XIRP2: variants seen among roughly 807,000 people sequenced by gnomAD.
XIRP2 encodes the protein xin actin-binding repeat-containing protein 2.
A neutral mutation model predicts 277.0 loss-of-function variants in XIRP2; 236 were observed. The observed-to-expected ratio is 0.85, with a 90% CI of 0.77 to 0.95. XIRP2 has a LOEUF of 0.95. Ranked by LOEUF, XIRP2 falls within the 40% of genes least tolerant of loss-of-function variation. XIRP2 has a pLI of 0.00. For synonymous variants in XIRP2, 1,490 were observed against 1,416.5 expected (o/e 1.05, Z -1.17); for missense variants, 4,640 against 4,157.5 (o/e 1.12, Z -3.19).
chr2:166,929,632 A>G (rs541395152), intron 2 of XIRP2, among the ~76,000 whole-genome samples: 80 of 152,208 alleles, frequency 5.3e-4, no homozygotes, highest in African/African-American at 1.9e-3. Flanking sequence ...TTAAAGGGTC[A>G]GTACTTTTTT....
rs372749482 is a variant in XIRP2 at position 167,214,965 on chromosome 2, G to A, written c.724-3201G>A. Reference sequence around the variant, plus strand: ...AAATGCATTTACCAGGAGAGCATCCGGTCATAAGCATAATACTAAGGCTTG... The same window carrying A: ...AAATGCATTTACCAGGAGAGCATCCAGTCATAAGCATAATACTAAGGCTTG... On this transcript the variant is annotated intron_variant, in intron 4 of 10. Coordinates refer to ENST00000409195, the MANE Select transcript of XIRP2 (RefSeq NM_152381.6). 3.9e-4 allele frequency among the ~76,000 whole-genome samples: 59 copies of A among 152,226 alleles called. 1 individual carries two copies. Among genetic ancestry groups the A allele is most frequent in the South Asian group, 2.3e-3 (11 of 4,820 alleles).
chr2:166,975,293 C>T (rs964250080), intron 2 of XIRP2, among the ~76,000 whole-genome samples: 2 of 152,110 alleles, frequency 1.3e-5, no homozygotes, highest in African/African-American at 4.8e-5. Context: ...TGCTGAACAA[C>T]ATAACCTAAT....
chr2:166,942,211 C>T (rs995345332), intron 2 of XIRP2, among the ~76,000 whole-genome samples: 7 of 152,130 alleles, frequency 4.6e-5, no homozygotes, highest in South Asian at 2.1e-4. Flanking sequence ...TGCCACATCC[C>T]TCTGTTCTAC....
At chr2:167,011,549 T>C (rs1687679488) in intron 2 of XIRP2, among the ~76,000 whole-genome samples, 1 of 152,118 alleles carries the variant, frequency 6.6e-6, no homozygotes. Flanking sequence ...TGGTTGTGTC[T>C]CTGCCAGGCT....
chr2:167,255,369 G>C (rs185234432), intron 10 of XIRP2, among the ~76,000 whole-genome samples: 98 of 151,768 alleles, frequency 6.5e-4, no homozygotes, highest in Non-Finnish European at 7.1e-4. Context: ...TTAACTTACA[G>C]TCTTTATGCT....
chr2:167,208,362 G>A (rs148858297), intron 3 of XIRP2, among the ~76,000 whole-genome samples: 1,860 of 152,116 alleles, frequency 0.012, 42 homozygotes, highest in African/African-American at 0.043. Flanking sequence ...GCTGGAGTGC[G>A]GTGGCGCGAT....
At chr2:167,028,844 C>A in intron 2 of XIRP2, among the ~76,000 whole-genome samples, 1 of 150,464 alleles carries the variant, frequency 6.6e-6, no homozygotes, top group Admixed American at 6.7e-5. Context: ...ATTCAGAATC[C>A]CATAAGATAA....
At chr2:166,914,880 A>G (rs1684819672) in intron 2 of XIRP2, among the ~76,000 whole-genome samples, 1 of 152,196 alleles carries the variant, frequency 6.6e-6, no homozygotes, top group Non-Finnish European at 1.5e-5. Flanking sequence ...TTATGTAATC[A>G]AGAAACTTCA....
rs151194725 is a variant in XIRP2, at chr2:167,185,774, A to G, written c.563-24961A>G. Among the ~76,000 whole-genome samples the G allele has an allele frequency of 6.4e-3, 974 of 152,264 alleles. 4 individuals are homozygous for G. The highest frequency in any genetic ancestry group is 0.031 in the Middle Eastern group (9 of 294). ...CAAACTAAAGTAATAATTATTTTCT[A>G]TGTAAATGTTATGTTGGAGTAATAA... On this transcript the variant is annotated intron_variant, in intron 3 of 10. Coordinates refer to ENST00000409195, the MANE Select transcript of XIRP2 (RefSeq NM_152381.6).
chr2:167,201,232 AAGAAAGAAAGAAAGAAAGAAAG>A (rs1693692519), intron 3 of XIRP2, among the ~76,000 whole-genome samples: 4 of 107,556 alleles, frequency 3.7e-5, no homozygotes, highest in Admixed American at 1.8e-4. Flanking sequence ...GAAAGAAAGA[AAGAAAGAAAGAAAGAAAGAAAG>A]AAAGAAAGAG....
chr2:167,028,115 T>A (rs1352990616), intron 2 of XIRP2, among the ~76,000 whole-genome samples: 2 of 152,108 alleles, frequency 1.3e-5, no homozygotes, highest in Non-Finnish European at 1.5e-5. Flanking sequence ...AGTAATCTTA[T>A]TTAAAATATT....
chr2:167,192,980 A>T (rs1316343758), intron 3 of XIRP2, among the ~76,000 whole-genome samples: 1 of 152,190 alleles, frequency 6.6e-6, no homozygotes, highest in African/African-American at 2.4e-5. Flanking sequence ...TAGGAATGGA[A>T]CTGTACTAGT....
intron 3 of XIRP2, among the ~76,000 whole-genome samples, chr2:167,138,792 A>G (rs1691629702): frequency 6.6e-6 from 1 of 152,196 alleles, no homozygotes; most frequent in African/African-American, 2.4e-5. Context: ...TGGGCTGGGC[A>G]CAGTGACTCA....
chr2:167,122,328 G>A (rs1691078880), intron 2 of XIRP2, among the ~76,000 whole-genome samples: 1 of 152,180 alleles, frequency 6.6e-6, no homozygotes, highest in African/African-American at 2.4e-5. Context: ...TTTACTTCCA[G>A]CTGTAAAATG....
At chr2:166,903,004 C>A (rs1344001483) in intron 1 of XIRP2, among the ~76,000 whole-genome samples, 2 of 152,084 alleles carry the variant, frequency 1.3e-5, no homozygotes, top group African/African-American at 4.8e-5. Context: ...TGAAGTAAGA[C>A]TTTAACAGAA....
chr2:167,259,158 T>G lies in XIRP2; in HGVS notation c.*1341T>G. On this transcript the variant is annotated 3_prime_UTR_variant, in exon 11 of 11. Coordinates refer to ENST00000409195, the MANE Select transcript of XIRP2 (RefSeq NM_152381.6). ...GATCAAATTAAAAATATGCCATGCT[T>G]GGATTTAAGGGAATTTGGAAAGGAT... 1 of 1,613,064 alleles carries G rather than the reference T, an allele frequency of 6.2e-7. No homozygotes were observed. Among genetic ancestry groups the G allele is most frequent in the Non-Finnish European group, 8.5e-7 (1 of 1,179,538 alleles).
chr2:167,171,069 T>C (rs2893038), intron 3 of XIRP2, among the ~76,000 whole-genome samples: 15,002 of 151,872 alleles, frequency 0.099, 794 homozygotes, highest in South Asian at 0.15. Context: ...CCAGCTAATT[T>C]TTGTATTTTT....
chr2:167,093,481 C>A (rs1191782417), intron 2 of XIRP2, among the ~76,000 whole-genome samples: 1 of 152,002 alleles, frequency 6.6e-6, no homozygotes, highest in Non-Finnish European at 1.5e-5. Context: ...CCCAACTCCC[C>A]AACAGGCCCC....
At chr2:166,917,348 C>A (rs113577599) in intron 2 of XIRP2, among the ~76,000 whole-genome samples, 1 of 152,048 alleles carries the variant, frequency 6.6e-6, no homozygotes, top group African/African-American at 2.4e-5. Context: ...TCAAGAATAC[C>A]GCGAGGATGG....
Sources: allele counts gnomAD v4.1 joint callset (sites outside exome capture counted in the v4.1 genomes callset), GRCh38; gene constraint gnomAD v4.1.1; transcripts MANE v1.5; gene names NCBI Gene and HGNC (gene_info 2026-07-23, HGNC 2026-07-21).